RUBCNL: variants seen among roughly 807,000 people sequenced by gnomAD.
RUBCNL encodes the protein protein associated with UVRAG as autophagy enhancer.
RUBCNL carries 62 observed loss-of-function variants against 69.5 expected under a neutral mutation model. The observed-to-expected ratio is 0.89, with a 90% CI of 0.73 to 1.10. RUBCNL has a LOEUF of 1.10. Ranked by LOEUF, RUBCNL falls within the 50% of genes least tolerant of loss-of-function variation. The probability of loss-of-function intolerance (pLI) is 0.00; values close to 1 mark genes in which losing one functional copy is unlikely to be tolerated. For synonymous variants in RUBCNL, 291 were observed against 303.6 expected, an observed-to-expected ratio of 0.96 and a Z score of 0.43; for missense variants, 768 against 798.1, an observed-to-expected ratio of 0.96 and a Z score of 0.45.
rs183584664 is a variant in RUBCNL, at chr13:46,341,428, T to A, written c.*1957A>T. ...CCTTCCTGGGAAGAAGCCTCTATTA[T>A]CACATTGGAGAGGAACAAAGTCTCA... is the stretch of plus-strand genomic sequence containing the variant. On this transcript the variant is annotated 3_prime_UTR_variant, in exon 15 of 15. Coordinates refer to ENST00000429979, the MANE Select transcript of RUBCNL (RefSeq NM_025113.5). Among the ~76,000 whole-genome samples the A allele has an allele frequency of 1.3e-5, 2 of 152,312 alleles. No individual in the cohort carries two copies. Among genetic ancestry groups the A allele is most frequent in the East Asian group, 3.9e-4 (2 of 5,194 alleles).
intron 1 of RUBCNL, among the ~76,000 whole-genome samples, chr13:46,379,227 C>T (rs539448135): frequency 6.6e-6 from 1 of 152,284 alleles, no homozygotes; most frequent in South Asian, 2.1e-4. Context: ...CAGGTGCCCG[C>T]CACCATGCCT....
intron 14 of RUBCNL, 50 bp from the exon 15 acceptor site, chr13:46,343,547 A>C: frequency 2.1e-4 from 325 of 1,571,084 alleles, no homozygotes; most frequent in Non-Finnish European, 2.6e-4. Context: ...TTGTTTTCTC[A>C]CATTTCTGCA....
intron 8 of RUBCNL, among the ~76,000 whole-genome samples, chr13:46,360,751 G>C (rs1474364550): frequency 6.6e-6 from 1 of 152,204 alleles, no homozygotes; most frequent in African/African-American, 2.4e-5. Context: ...AAGGCTGCTT[G>C]CTCTCTGACA....
intron 14 of RUBCNL, 57 bp downstream of exon 14, chr13:46,344,684 A>T (rs1407999743): frequency 8.5e-7 from 1 of 1,169,826 alleles, no homozygotes; most frequent in Non-Finnish European, 1.2e-6. Flanking sequence ...TAAGTTACTA[A>T]ACTTAGTTTA....
chr13:46,371,924 TCAC>T lies in RUBCNL; in HGVS notation c.535+14_535+16del. Reference sequence around the variant, plus strand: ...TGTGAACAGAGAGGAATGAGGGAGGTCACCTACTAAAATTACCTTCATCAGCAG... The same window carrying T: ...TGTGAACAGAGAGGAATGAGGGAGGTCTACTAAAATTACCTTCATCAGCAG... On this transcript the variant is annotated intron_variant, in intron 3 of 14. Transcript: ENST00000429979. The T allele has an allele frequency of 1.9e-6, 3 of 1,611,512 alleles. No individual in the cohort carries two copies. The highest frequency in any genetic ancestry group is 2.5e-6 in the Non-Finnish European group (3 of 1,178,508).
intron 6 of RUBCNL, among the ~76,000 whole-genome samples, 156 bp downstream of exon 6, chr13:46,362,959 T>TATATATAG (rs1217436852): frequency 1.6e-5 from 2 of 122,884 alleles, no homozygotes; most frequent in South Asian, 2.6e-4. Flanking sequence ...TATATATATA[T>TATATATAG]ATATATATAT....
Position 46,372,537 on chromosome 13 carries a change from G to A in RUBCNL, c.-62C>T. On this transcript the variant is annotated 5_prime_UTR_variant, in exon 3 of 15. Coordinates refer to ENST00000429979, the MANE Select transcript of RUBCNL (RefSeq NM_025113.5). The stretch of plus-strand genomic sequence containing the variant: ...ACAGATAGGAGTTCCCTGATTGCTG[G>A]TACTACTTGATTTGGGCCCTGAACT... The A allele has an allele frequency of 6.6e-7, 1 of 1,519,758 alleles. No individual in the cohort carries two copies. Among genetic ancestry groups the A allele is most frequent in the Admixed American group, 2.0e-5 (1 of 49,782 alleles). 94.1% of individuals were successfully genotyped at this position (1,519,758 alleles called of 1,614,324 possible).
chr13:46,388,199 C>CCA (rs1264747466), upstream of RUBCNL, among the ~76,000 whole-genome samples: 1 of 68,202 alleles, frequency 1.5e-5, no homozygotes, highest in Non-Finnish European at 2.5e-5. Context: ...GCAAGACTGT[C>CCA]AAAAAAAAAA....
At chr13:46,372,660 ATTTT>A (rs2048905084) in intron 2 of RUBCNL, 63 bp from the exon 3 acceptor site, 2 of 1,408,648 alleles carry the variant, frequency 1.4e-6, no homozygotes, top group Non-Finnish European at 1.8e-6. Flanking sequence ...GCTACAAATT[ATTTT>A]GAGATGGCAA....
chr13:46,351,379 T>G (rs12583544), intron 10 of RUBCNL, among the ~76,000 whole-genome samples: 19,537 of 152,244 alleles, frequency 0.13, 2,687 homozygotes, highest in East Asian at 0.43. Flanking sequence ...GTGCAGTATC[T>G]AGAGGAGGGC....
intron 1 of RUBCNL, among the ~76,000 whole-genome samples, chr13:46,381,613 G>A (rs1566092696): frequency 6.6e-6 from 1 of 151,936 alleles, no homozygotes; most frequent in Non-Finnish European, 1.5e-5. Flanking sequence ...ACGGAGTTTC[G>A]CTCTTGTTGC....
At position 46,340,740 on chromosome 13, in the gene RUBCNL, A is replaced by C. The variant is rs1159418994; in HGVS notation, c.*2645T>G. On this transcript the variant is annotated 3_prime_UTR_variant, in exon 15 of 15. Transcript: ENST00000429979. ...GCGTGTGCAGACTCCCCTTGTATGG[A>C]AACAGAGGAGGCAAAGAGAGGGCAG... Among the ~76,000 whole-genome samples the C allele has an allele frequency of 6.6e-6, 1 of 152,104 alleles. No homozygotes were observed. Among genetic ancestry groups the C allele is most frequent in the Non-Finnish European group, 1.5e-5 (1 of 68,010 alleles).
Position 46,335,196 on chromosome 13 carries a change from C to A in RUBCNL, c.*8189G>T, listed in dbSNP as rs567921869. ...CCTCCCACCTCAGCCTCCTGGGTAG[C>A]TGGGAATACTGGCACACACCATTGT... On this transcript the variant is annotated 3_prime_UTR_variant, in exon 15 of 15. Transcript: ENST00000429979. Among the ~76,000 whole-genome samples the A allele has an allele frequency of 6.6e-6, 1 of 151,102 alleles. No individual in the cohort carries two copies. The highest frequency in any genetic ancestry group is 2.1e-4 in the South Asian group (1 of 4,772).
chr13:46,373,597 T>A (rs773774817), intron 2 of RUBCNL, among the ~76,000 whole-genome samples: 61 of 152,188 alleles, frequency 4.0e-4, no homozygotes, highest in Non-Finnish European at 7.9e-4. Context: ...GCTCGGGAAA[T>A]GTTTTGCTTT....
chr13:46,338,874 G>A lies in RUBCNL; in HGVS notation c.*4511C>T, dbSNP rs2138652464. The stretch of plus-strand genomic sequence containing the variant: ...AGCCTGGCCAACATGGCGAAACCCC[G>A]TCTCTACCAAAAACAGAAAAAAATT... On this transcript the variant is annotated 3_prime_UTR_variant, in exon 15 of 15. Coordinates refer to ENST00000429979, the MANE Select transcript of RUBCNL (RefSeq NM_025113.5). Among the ~76,000 whole-genome samples, 1 of 152,010 alleles carries A rather than the reference G, an allele frequency of 6.6e-6. No homozygotes were observed. Among genetic ancestry groups the A allele is most frequent in the South Asian group, 2.1e-4 (1 of 4,812 alleles).
intron 3 of RUBCNL, among the ~76,000 whole-genome samples, chr13:46,369,415 A>G (rs2048831265): frequency 6.6e-6 from 1 of 152,048 alleles, no homozygotes; most frequent in South Asian, 2.1e-4. Context: ...GGGTCTCATT[A>G]GCTTGCCCAG....
intron 5 of RUBCNL, among the ~76,000 whole-genome samples, chr13:46,365,458 T>C (rs1337203990): frequency 2.0e-5 from 3 of 152,158 alleles, no homozygotes; most frequent in Non-Finnish European, 2.9e-5. Flanking sequence ...AAGACGAGCA[T>C]GCAGATGGCA....
In RUBCNL at chr13:46,372,178, C is replaced by T. The variant is rs2048891906; in HGVS notation, c.298G>A (p.Ala100Thr). 1 of 1,613,982 alleles carries T rather than the reference C, an allele frequency of 6.2e-7. No homozygotes were observed. Among genetic ancestry groups the T allele is most frequent in the Non-Finnish European group, 8.5e-7 (1 of 1,179,888 alleles). Reference sequence around the variant, plus strand: ...GTATCCTCAGACAACGTTGTCTCTGCCAGGGAGTCCCCGAGGCACGAAGGT... The same window carrying T: ...GTATCCTCAGACAACGTTGTCTCTGTCAGGGAGTCCCCGAGGCACGAAGGT... ...PSPSCLGDSL[A>T]ETTLSEDTTD... is the part of the protein sequence containing the mutation. Residue 100 changes from alanine to threonine, a missense_variant, in exon 3 of 15, where the codon GCA becomes ACA. By Grantham distance (58) the Ala-to-Thr change is moderately conservative. Transcript: ENST00000429979.
At chr13:46,370,438 T>C (rs1566084073) in intron 3 of RUBCNL, among the ~76,000 whole-genome samples, 1 of 152,232 alleles carries the variant, frequency 6.6e-6, no homozygotes, top group Non-Finnish European at 1.5e-5. Context: ...TAGTGGCCAA[T>C]GGCTGTTTTC....
Sources: gnomAD v4.1 joint callset for allele counts (sites outside exome capture counted in the v4.1 genomes callset) on GRCh38, gnomAD v4.1.1 for gene constraint, MANE v1.5 for transcripts, NCBI Gene and HGNC (gene_info 2026-07-23, HGNC 2026-07-21) for gene names.